Variants in LHFPL2 observed in about 807,000 individuals in gnomAD.
LHFPL2 encodes the protein LHFPL tetraspan subfamily member 2.
LHFPL2 carries 7 observed loss-of-function variants against 17.5 expected under a neutral mutation model. The observed-to-expected ratio is 0.40, with a 90% CI of 0.23 to 0.75. The LOEUF (loss-of-function observed/expected upper bound fraction) is 0.75, where lower values mean the gene tolerates loss of function less well. Ranked by LOEUF, LHFPL2 falls within the 30% of genes least tolerant of loss-of-function variation. The pLI, the probability that LHFPL2 is intolerant of heterozygous loss-of-function variation, is 0.37. For synonymous variants in LHFPL2, 134 were observed against 116.2 expected, an observed-to-expected ratio of 1.15 and a Z score of -0.99; for missense variants, 241 against 294.8, an observed-to-expected ratio of 0.82 and a Z score of 1.34.
chr5:78,504,681 GCTT>G (rs1477295958), intron 4 of LHFPL2, among the ~76,000 whole-genome samples: 4 of 152,116 alleles, frequency 2.6e-5, no homozygotes, highest in Non-Finnish European at 4.4e-5. Context: ...TCCTTTTATT[GCTT>G]TTTTTCATGT....
chr5:78,631,448 AC>A (rs1745243754), intron 2 of LHFPL2, among the ~76,000 whole-genome samples: 1 of 152,226 alleles, frequency 6.6e-6, no homozygotes, highest in Non-Finnish European at 1.5e-5. Context: ...CATGCCAGAA[AC>A]CATGCTAGGT....
chr5:78,540,287 T>C (rs192864665), intron 3 of LHFPL2, among the ~76,000 whole-genome samples: 1 of 152,350 alleles, frequency 6.6e-6, no homozygotes, highest in East Asian at 1.9e-4. Flanking sequence ...GGTCACTGTC[T>C]TGTTTGTTTG....
intron 3 of LHFPL2, among the ~76,000 whole-genome samples, chr5:78,512,757 TTTTTC>T (rs1231719582): frequency 3.5e-5 from 5 of 143,552 alleles, no homozygotes; most frequent in Admixed American, 3.5e-4. Flanking sequence ...TTAAATGTAA[TTTTTC>T]TTTTCTTTTT....
intron 1 of LHFPL2, among the ~76,000 whole-genome samples, chr5:78,640,446 A>G (rs1299375343): frequency 6.6e-6 from 1 of 152,200 alleles, no homozygotes; most frequent in Non-Finnish European, 1.5e-5. Context: ...TCCAGTATTT[A>G]TAACTATATC....
At position 78,565,810 on chromosome 5, in the gene LHFPL2, C is replaced by A. The variant is rs145997508; in HGVS notation, c.-244-939G>T. 2.6e-4 allele frequency among the ~76,000 whole-genome samples: 40 copies of A among 152,354 alleles called. 2 individuals are homozygous for A. In the East Asian group the frequency reaches 7.7e-3, roughly 29 times the overall value. On this transcript the variant is annotated intron_variant, in intron 2 of 4. Transcript: ENST00000380345. Reference sequence around the variant, plus strand: ...GATAATCTTGCTCTTAAAAGAATCTCTTCCACTCTACAAAGCCTATTCATC... The same window carrying A: ...GATAATCTTGCTCTTAAAAGAATCTATTCCACTCTACAAAGCCTATTCATC...
At chr5:78,598,374 G>A (rs535144563) in intron 2 of LHFPL2, among the ~76,000 whole-genome samples, 135 of 152,310 alleles carry the variant, frequency 8.9e-4, no homozygotes, top group African/African-American at 3.1e-3. Flanking sequence ...CTAGGCTTGC[G>A]AAGCCATGAG....
Position 78,488,685 on chromosome 5 carries a change from T to C in LHFPL2, c.*212A>G, listed in dbSNP as rs1754332124. The stretch of plus-strand genomic sequence containing the variant: ...CCAGGTCTAGGATTATATACTATTT[T>C]CATGTTCCATTCCTTATAATGTGCA... On this transcript the variant is annotated 3_prime_UTR_variant, in exon 5 of 5. Coordinates refer to ENST00000380345, the MANE Select transcript of LHFPL2 (RefSeq NM_005779.3). The C allele has an allele frequency of 3.4e-6, 2 of 585,816 alleles. No homozygotes were observed. The highest frequency in any genetic ancestry group is 1.9e-5 in the African/African-American group (1 of 53,500). 36.3% of individuals were successfully genotyped at this position (585,816 alleles called of 1,614,324 possible). A position where few individuals can be genotyped will look rare whatever the true frequency, so the allele number is the denominator to read the frequency against.
chr5:78,543,542 T>A (rs1756177030), intron 3 of LHFPL2, among the ~76,000 whole-genome samples: 1 of 151,986 alleles, frequency 6.6e-6, no homozygotes, highest in African/African-American at 2.4e-5. Context: ...TGCGGCACAG[T>A]AGGAGAGCCA....
intron 3 of LHFPL2, among the ~76,000 whole-genome samples, chr5:78,524,811 T>C (rs897543359): frequency 6.6e-6 from 1 of 152,132 alleles, no homozygotes; most frequent in Non-Finnish European, 1.5e-5. Flanking sequence ...TCATGAAATG[T>C]TTTCTCTTTG....
At position 78,616,931 on chromosome 5, in the gene LHFPL2, C is replaced by T. The variant is rs539702438; in HGVS notation, c.-245+15333G>A. On this transcript the variant is annotated intron_variant, in intron 2 of 4. Transcript: ENST00000380345. ...AATTCTGACTTTCTTGAAGCAAACC[C>T]TAGCTTCTGGAAGAACTCATAAGGT... Among the ~76,000 whole-genome samples, 17 of 152,328 alleles carry T rather than the reference C, an allele frequency of 1.1e-4. No homozygotes were observed. The East Asian group carries it at 3.3e-3, about 29-fold the overall frequency.
Position 78,568,625 on chromosome 5 carries a change from C to T in LHFPL2, c.-244-3754G>A, listed in dbSNP as rs370170680. On this transcript the variant is annotated intron_variant, in intron 2 of 4. Coordinates refer to ENST00000380345, the MANE Select transcript of LHFPL2 (RefSeq NM_005779.3). ...CCTTGGAAATGACAGGGGTGAATTTCAGCTGAATGAAGAAAGAACTGTGTA... is the reference window on the plus strand; with the variant it reads ...CCTTGGAAATGACAGGGGTGAATTTTAGCTGAATGAAGAAAGAACTGTGTA... Among the ~76,000 whole-genome samples the T allele has an allele frequency of 7.5e-4, 114 of 152,298 alleles. 1 individual carries two copies. The East Asian group carries it at 0.012, about 16-fold the overall frequency.
Position 78,513,032 on chromosome 5 carries a change from GGC to G in LHFPL2, c.-185-2636_-185-2635del, listed in dbSNP as rs1311549076. 3.3e-5 allele frequency among the ~76,000 whole-genome samples: 5 copies of G among 152,216 alleles called. No individual in the cohort carries two copies. In the East Asian group the frequency reaches 9.7e-4, roughly 29 times the overall value. ...GGCCTCCCAAAGTGCTAGGATTATA[GGC>G]GTGTGCAACCACCCCTGCCTGAATG... On this transcript the variant is annotated intron_variant, in intron 3 of 4. Coordinates refer to ENST00000380345, the MANE Select transcript of LHFPL2 (RefSeq NM_005779.3).
At chr5:78,512,170 G>A (rs1463165278) in intron 3 of LHFPL2, among the ~76,000 whole-genome samples, 3 of 151,958 alleles carry the variant, frequency 2.0e-5, no homozygotes, top group East Asian at 1.9e-4. Context: ...TCCAACTGAG[G>A]TGCCCAGCAG....
chr5:78,543,436 C>T (rs1295820036), intron 3 of LHFPL2, among the ~76,000 whole-genome samples: 1 of 152,182 alleles, frequency 6.6e-6, no homozygotes, highest in Non-Finnish European at 1.5e-5. Context: ...GGGGCTCTGT[C>T]CCTACAAGCA....
chr5:78,599,347 T>G (rs1012452059), intron 2 of LHFPL2, among the ~76,000 whole-genome samples: 19 of 152,164 alleles, frequency 1.2e-4, no homozygotes, highest in African/African-American at 4.3e-4. Flanking sequence ...TTGCCCAGGC[T>G]GGAGTGCAGT....
chr5:78,634,193 C>A (rs1044958017), intron 1 of LHFPL2, among the ~76,000 whole-genome samples: 3 of 152,212 alleles, frequency 2.0e-5, no homozygotes, highest in Non-Finnish European at 4.4e-5. Context: ...CTCTTGCTTT[C>A]TTTACAAAAG....
At chr5:78,546,172 A>T (rs1756265458) in intron 3 of LHFPL2, among the ~76,000 whole-genome samples, 1 of 152,304 alleles carries the variant, frequency 6.6e-6, no homozygotes, top group East Asian at 1.9e-4. Flanking sequence ...CATTGTTAAG[A>T]TTATACTGCT....
intron 3 of LHFPL2, among the ~76,000 whole-genome samples, chr5:78,512,944 T>C (rs988680560): frequency 6.6e-6 from 1 of 151,904 alleles, no homozygotes; most frequent in African/African-American, 2.4e-5. Context: ...TTAGTAGAGA[T>C]GGGGTTTCAG....
At chr5:78,555,645 C>T (rs781348900) in intron 3 of LHFPL2, among the ~76,000 whole-genome samples, 3 of 152,154 alleles carry the variant, frequency 2.0e-5, no homozygotes, top group South Asian at 4.1e-4. Context: ...TGGGGGCATG[C>T]TAAATTAAAA....
Sources: allele counts gnomAD v4.1 joint callset (sites outside exome capture counted in the v4.1 genomes callset), GRCh38; gene constraint gnomAD v4.1.1; transcripts MANE v1.5; gene names NCBI Gene and HGNC (gene_info 2026-07-23, HGNC 2026-07-21).